MEI4: variants seen among roughly 807,000 people sequenced by gnomAD.
MEI4 encodes meiosis-specific protein MEI4.
Under a neutral mutation model 31.4 loss-of-function variants are expected in MEI4, and 27 were observed. That is an observed-to-expected ratio of 0.86 (90% CI 0.63 to 1.19). MEI4 has a LOEUF of 1.19. Among genes scored for constraint, MEI4 ranks in the 50% most tolerant of loss-of-function variants. The pLI is 0.00. For synonymous variants in MEI4, 122 were observed against 145.4 expected (o/e 0.84, Z 1.16); for missense variants, 329 against 398.9 (o/e 0.82, Z 1.49).
At position 77,792,838 on chromosome 6, in the gene MEI4, G is replaced by A. The variant is rs147946606; in HGVS notation, c.768+31173G>A. On this transcript the variant is annotated intron_variant, in intron 3 of 4. Coordinates refer to ENST00000684080, the MANE Select transcript of MEI4 (RefSeq NM_001322247.2). ...CACCATTCTCCTGCCTCAGCCTCCC[G>A]AGTAGCTGGGACTACAGGTGCACGC... is the stretch of plus-strand genomic sequence containing the variant. Among the ~76,000 whole-genome samples, 974 of 151,452 alleles carry A rather than the reference G, an allele frequency of 6.4e-3. 6 individuals are homozygous for A. The highest frequency in any genetic ancestry group is 0.017 in the Middle Eastern group (5 of 292).
In MEI4 at chr6:77,664,510, C is replaced by T. The variant is rs541998420; in HGVS notation, c.-15+11418C>T. Reference sequence around the variant, plus strand: ...GCTAGTCACGGAACGAAACTGTAAGCCCCACCAGGTGTGAGGAGGGGAGGC... The same window carrying T: ...GCTAGTCACGGAACGAAACTGTAAGTCCCACCAGGTGTGAGGAGGGGAGGC... On this transcript the variant is annotated intron_variant, in intron 1 of 4. Transcript: ENST00000684080. Among the ~76,000 whole-genome samples, 66 of 152,164 alleles carry T rather than the reference C, an allele frequency of 4.3e-4. 1 individual carries two copies. The highest frequency in any genetic ancestry group is 3.3e-3 in the East Asian group (17 of 5,154).
In MEI4 at chr6:77,779,000, G is replaced by T. The variant is rs189227314; in HGVS notation, c.768+17335G>T. 1.4e-3 allele frequency among the ~76,000 whole-genome samples: 213 copies of T among 152,194 alleles called. 1 individual carries two copies. Among genetic ancestry groups the T allele is most frequent in the African/African-American group, 4.5e-3 (187 of 41,532 alleles). ...TTGCAAAGCAAAGCAAATCAGTGGC[G>T]TTATCAATATGGAGCTTAAAGGAAA... On this transcript the variant is annotated intron_variant, in intron 3 of 4. Transcript: ENST00000684080.
At chr6:77,730,954 A>G (rs924387992) in intron 2 of MEI4, among the ~76,000 whole-genome samples, 6 of 151,740 alleles carry the variant, frequency 4.0e-5, no homozygotes, top group Admixed American at 3.9e-4. Context: ...AAAGGACATG[A>G]ACCCATCATT....
intron 1 of MEI4, 39 bp from the exon 2 acceptor site, chr6:77,690,619 A>T: frequency 9.7e-7 from 1 of 1,028,550 alleles, no homozygotes; most frequent in Non-Finnish European, 1.2e-6. Flanking sequence ...TGCACAAGTT[A>T]AAAAGAATTT....
At chr6:77,803,020 C>A (rs1454836673) in intron 3 of MEI4, among the ~76,000 whole-genome samples, 3 of 152,092 alleles carry the variant, frequency 2.0e-5, no homozygotes, top group Non-Finnish European at 4.4e-5. Flanking sequence ...TGTTGGCCTG[C>A]CTTGCTAGAT....
intron 4 of MEI4, among the ~76,000 whole-genome samples, chr6:77,836,672 A>G (rs1770225099): frequency 6.6e-6 from 1 of 152,154 alleles, no homozygotes; most frequent in Non-Finnish European, 1.5e-5. Context: ...ATTTTTAATA[A>G]GATAAAGAAA....
At chr6:77,803,785 C>T (rs1478585089) in intron 3 of MEI4, among the ~76,000 whole-genome samples, 4 of 152,134 alleles carry the variant, frequency 2.6e-5, no homozygotes, top group African/African-American at 7.2e-5. Flanking sequence ...TGCAGAACAG[C>T]GGATATTGGT....
intron 3 of MEI4, among the ~76,000 whole-genome samples, chr6:77,798,115 T>A (rs995672386): frequency 5.9e-5 from 9 of 152,084 alleles, no homozygotes; most frequent in Admixed American, 2.0e-4. Context: ...AGGCTATTAT[T>A]TTCAGTTTAA....
At chr6:77,862,812 G>T (rs1770901021) in intron 4 of MEI4, among the ~76,000 whole-genome samples, 1 of 152,310 alleles carries the variant, frequency 6.6e-6, no homozygotes, top group African/African-American at 2.4e-5. Context: ...TAGCCTAACT[G>T]GGAGGCATCC....
chr6:77,823,639 TC>T (rs1464313149), intron 3 of MEI4, among the ~76,000 whole-genome samples: 3 of 150,390 alleles, frequency 2.0e-5, no homozygotes, highest in Non-Finnish European at 4.5e-5. Flanking sequence ...TTTCCAAACT[TC>T]CCACAAATAA....
At chr6:77,767,242 T>A (rs1768198016) in intron 3 of MEI4, among the ~76,000 whole-genome samples, 3 of 151,918 alleles carry the variant, frequency 2.0e-5, no homozygotes, top group Admixed American at 2.0e-4. Context: ...TAGCTGGGCA[T>A]GGTGGTGTGC....
At chr6:77,885,066 T>A (rs1333336682) in intron 4 of MEI4, among the ~76,000 whole-genome samples, 1 of 151,668 alleles carries the variant, frequency 6.6e-6, no homozygotes, top group Non-Finnish European at 1.5e-5. Flanking sequence ...AGAGTTTTTG[T>A]CACCTCTATG....
chr6:77,696,446 C>T (rs1194558504), intron 2 of MEI4, among the ~76,000 whole-genome samples: 1 of 152,060 alleles, frequency 6.6e-6, no homozygotes, highest in African/African-American at 2.4e-5. Context: ...CCCATCAATA[C>T]CTAATTTATT....
chr6:77,845,116 G>A (rs1770451146), intron 4 of MEI4, among the ~76,000 whole-genome samples: 1 of 151,932 alleles, frequency 6.6e-6, no homozygotes, highest in Non-Finnish European at 1.5e-5. Context: ...CTTTATGTGG[G>A]TGCCTCAGCT....
intron 2 of MEI4, among the ~76,000 whole-genome samples, chr6:77,699,752 T>C (rs1233082494): frequency 2.0e-5 from 3 of 152,056 alleles, no homozygotes; most frequent in African/African-American, 7.2e-5. Context: ...TACAGATGGG[T>C]TTTTGGTGTG....
Position 77,923,405 on chromosome 6 carries a change from C to A in MEI4, c.*59C>A. The A allele has an allele frequency of 8.5e-7, 1 of 1,179,212 alleles. No homozygotes were observed. Among genetic ancestry groups the A allele is most frequent in the Non-Finnish European group, 1.1e-6 (1 of 941,422 alleles). 73.0% of individuals were successfully genotyped at this position (1,179,212 alleles called of 1,614,324 possible). ...ATAATAAAGTAGAATATATGAAAAT[C>A]TCATACTGAAAAGATTTTCAATAGT... On this transcript the variant is annotated 3_prime_UTR_variant, in exon 5 of 5. Coordinates refer to ENST00000684080, the MANE Select transcript of MEI4 (RefSeq NM_001322247.2).
intron 2 of MEI4, among the ~76,000 whole-genome samples, chr6:77,739,058 C>T (rs1286816425): frequency 6.6e-6 from 1 of 152,086 alleles, no homozygotes; most frequent in Non-Finnish European, 1.5e-5. Flanking sequence ...ATGATAATTT[C>T]TTTTGCTGTC....
At chr6:77,689,512 G>A (rs1769119176) in intron 1 of MEI4, among the ~76,000 whole-genome samples, 1 of 151,986 alleles carries the variant, frequency 6.6e-6, no homozygotes, top group African/African-American at 2.4e-5. Flanking sequence ...ACATCGCTGT[G>A]GGTGGGAATA....
chr6:77,727,871 G>A (rs114207915), intron 2 of MEI4, among the ~76,000 whole-genome samples: 1,576 of 152,300 alleles, frequency 0.01, 28 homozygotes, highest in African/African-American at 0.036. Flanking sequence ...GAGCATCCTC[G>A]CAGGAGTTTC....
Sources: gnomAD v4.1 joint callset for allele counts (sites outside exome capture counted in the v4.1 genomes callset) on GRCh38, gnomAD v4.1.1 for gene constraint, MANE v1.5 for transcripts, NCBI Gene and HGNC (gene_info 2026-07-23, HGNC 2026-07-21) for gene names.